Variants in HAL observed in about 807,000 individuals in gnomAD.
HAL encodes histidase.
HAL carries 85 observed loss-of-function variants against 81.1 expected under a neutral mutation model. The ratio of observed to expected loss-of-function variants is 1.05; its 90% CI spans 0.88 to 1.25. The LOEUF (loss-of-function observed/expected upper bound fraction) is 1.25, where lower values mean the gene tolerates loss of function less well. HAL is among the 50% of genes most tolerant of loss of function. HAL has a pLI of 0.00. For synonymous variants in HAL, 301 were observed against 309.2 expected (o/e 0.97, Z 0.28); for missense variants, 798 against 836.6 (o/e 0.95, Z 0.57).
At chr12:95,990,283 G>A in intron 10 of HAL, 110 bp downstream of exon 10, 2 of 875,302 alleles carry the variant, frequency 2.3e-6, no homozygotes, top group South Asian at 2.7e-5. Context: ...AAGGATAGTA[G>A]GAGCTCCCTC....
At chr12:95,983,751 G>A in intron 15 of HAL, 160 bp downstream of exon 15, 2 of 660,446 alleles carry the variant, frequency 3.0e-6, no homozygotes, top group East Asian at 5.4e-5. Context: ...GCTCTGACCT[G>A]GAGAAAGTCA....
intron 11 of HAL, among the ~76,000 whole-genome samples, chr12:95,987,952 C>T (rs1336681363): frequency 2.6e-5 from 4 of 151,952 alleles, no homozygotes; most frequent in African/African-American, 9.7e-5. Context: ...GTCTCAAACT[C>T]CTGAGCTCAG....
intron 20 of HAL, chr12:95,976,112 A>C (rs1054583197): frequency 4.1e-5 from 16 of 391,094 alleles, no homozygotes; most frequent in African/African-American, 2.5e-4. Flanking sequence ...TGAATCAAAG[A>C]GGACATCTTG....
chr12:95,976,646 G>A lies in HAL; in HGVS notation c.1715C>T (p.Thr572Ile), dbSNP rs377025106. The A allele has an allele frequency of 2.4e-5, 38 of 1,613,296 alleles. No homozygotes were observed. The highest frequency in any genetic ancestry group is 3.0e-5 in the Non-Finnish European group (35 of 1,179,292). Residue 572 changes from threonine to isoleucine, a missense_variant, in exon 19 of 21, where the codon ACA becomes ATA. Transcript: ENST00000261208. ...ATAGACCTTCTCCAGCGGAGTGGTT[G>A]TTTTCAGGGGACGTAGAAACTCTAT... ...QGIEFLRPLK[T>I]TTPLEKVYDL...
chr12:95,995,014 C>G, intron 2 of HAL, 21 bp from the exon 3 acceptor site: 1 of 1,569,040 alleles, frequency 6.4e-7, no homozygotes, highest in Non-Finnish European at 8.8e-7. Flanking sequence ...GCACGGGAGA[C>G]TCGTTACAGA....
chr12:95,985,266 A>T (rs1481521348), intron 14 of HAL, among the ~76,000 whole-genome samples: 1 of 152,186 alleles, frequency 6.6e-6, no homozygotes, highest in African/African-American at 2.4e-5. Context: ...TTTATTACTA[A>T]GAATTTTTAA....
At chr12:95,983,685 G>C in intron 15 of HAL, 1 of 586,902 alleles carries the variant, frequency 1.7e-6, no homozygotes, top group South Asian at 2.0e-5. Flanking sequence ...TGAAAGTACA[G>C]CATGTTAGAC....
In HAL at chr12:95,995,834, C is replaced by T. The variant is rs780094875; in HGVS notation, c.77G>A (p.Trp26Ter). ...GCGCCTCACGGCCTCCCGGCCCAGC[C>T]AGCCCACAGTGAGCTGCGCGTCCTG... The part of the protein sequence containing the change: ...PCQDAQLTVG[W>*]LGREAVRRYI... The change falls in exon 2 of 21, where the codon TGG becomes TAG. Residue 26 changes from tryptophan (W) to a stop codon, truncating the protein, a stop_gained. Transcript: ENST00000261208. LOFTEE classifies it high-confidence loss of function. 2.5e-6 allele frequency: 4 copies of T among 1,611,720 alleles called. No individual in the cohort carries two copies. The highest frequency in any genetic ancestry group is 2.5e-6 in the Non-Finnish European group (3 of 1,180,018).
chr12:95,992,868 G>GCCTT (rs1555240414), intron 8 of HAL, 63 bp from the exon 9 acceptor site: 2 of 1,321,970 alleles, frequency 1.5e-6, no homozygotes, highest in Non-Finnish European at 2.1e-6. Flanking sequence ...CCTGACAATT[G>GCCTT]CCCTCCCTCC....
rs770403675 is a variant in HAL, at chr12:95,990,507, CT to C, written c.740del (p.Glu247GlyfsTer21). On this transcript the variant is annotated frameshift_variant, in exon 10 of 21. Coordinates refer to ENST00000261208, the MANE Select transcript of HAL (RefSeq NM_002108.4). LOFTEE classifies it high-confidence loss of function. Reference sequence around the variant, plus strand: ...CTCCACTGGCACCAACGGTTCCTTTCTCTGGGACATAGGGCAGGCAGGAGGC... The same window carrying C: ...CTCCACTGGCACCAACGGTTCCTTTCCTGGGACATAGGGCAGGCAGGAGGC... ...FNASCLPYVP[E>X]KGTVGASGDL... 1 of 1,613,686 alleles carries C rather than the reference CT, an allele frequency of 6.2e-7. No homozygotes were observed. The highest frequency in any genetic ancestry group is 8.5e-7 in the Non-Finnish European group (1 of 1,179,576).
chr12:95,994,176 A>T lies in HAL; in HGVS notation c.337-12T>A. The stretch of plus-strand genomic sequence containing the variant: ...TCTAACTCGATGTACTACACAAAAG[A>T]AGGGGATCTCAGTGAGTCTGAACAG... On this transcript the variant is annotated splice_polypyrimidine_tract_variant and intron_variant, in intron 4 of 20. Transcript: ENST00000261208. The T allele has an allele frequency of 1.3e-6, 2 of 1,596,444 alleles. No individual in the cohort carries two copies. Among genetic ancestry groups the T allele is most frequent in the Non-Finnish European group, 1.7e-6 (2 of 1,163,844 alleles).
rs1668693273 is a variant in HAL at position 95,990,395 on chromosome 12, A to T, written c.853T>A (p.Tyr285Asn). ...SPKSGWADAKYVLEAHGLKPV... is the reference protein window; with the variant it reads ...SPKSGWADAKNVLEAHGLKPV... ...ATAGAAGCTGCTACGAGTCTTACGT[A>T]TTTAGCATCAGCCCAGCCACTCTTC... Residue 285 changes from tyrosine (Y) to asparagine (N), a missense_variant and splice_region_variant, in exon 10 of 21, where the codon TAC (tyrosine) becomes AAC (asparagine). Tyr to Asn is a moderately radical substitution (Grantham distance 143). Transcript: ENST00000261208. 1.2e-6 allele frequency: 2 copies of T among 1,612,860 alleles called. No individual in the cohort carries two copies. Among genetic ancestry groups the T allele is most frequent in the African/African-American group, 2.7e-5 (2 of 74,918 alleles).
At chr12:95,993,587 G>A (rs1949997362) in intron 7 of HAL, 99 bp from the exon 8 acceptor site, 1 of 951,082 alleles carries the variant, frequency 1.1e-6, no homozygotes, top group Non-Finnish European at 1.7e-6. Context: ...TCCTTGGAGG[G>A]ACAGAAGGAA....
At position 95,976,693 on chromosome 12, in the gene HAL, C is replaced by T; in HGVS notation, c.1668G>A (p.Glu556=). 6.2e-7 allele frequency: 1 copy of T among 1,606,184 alleles called. No homozygotes were observed. The highest frequency in any genetic ancestry group is 8.5e-7 in the Non-Finnish European group (1 of 1,172,794). The change falls in exon 19 of 21, where the codon GAG becomes GAA. Residue 556 remains glutamate (E), a synonymous_variant. Coordinates refer to ENST00000261208, the MANE Select transcript of HAL (RefSeq NM_002108.4). ...CTATGCCCTGGCAGGCTGCAAGGAGCTCGATGGCCAGCACTGAAACAAGAA... is the reference window on the plus strand; with the variant it reads ...CTATGCCCTGGCAGGCTGCAAGGAGTTCGATGGCCAGCACTGAAACAAGAA... The part of the protein sequence containing the change: ...IEHVEQVLAI[E]LLAACQGIEF...
At chr12:95,985,644 AAAAG>A (rs1182087614) in intron 14 of HAL, among the ~76,000 whole-genome samples, 12 of 151,402 alleles carry the variant, frequency 7.9e-5, no homozygotes, top group African/African-American at 1.9e-4. Context: ...AAAAAAAAAA[AAAAG>A]AGGTTGTCCT....
chr12:95,972,881 A>G lies in HAL; in HGVS notation c.*1351T>C, dbSNP rs1420930906. 1.3e-5 allele frequency: 2 copies of G among 152,236 alleles called. No individual in the cohort carries two copies. The highest frequency in any genetic ancestry group is 2.9e-5 in the Non-Finnish European group (2 of 68,050). 9.4% of individuals were successfully genotyped at this position (152,236 alleles called of 1,614,324 possible). A position where few individuals can be genotyped will look rare whatever the true frequency, so the allele number is the denominator to read the frequency against. Reference sequence around the variant, plus strand: ...GCTCAATGGCAGCCCACGGATGACAATGCACAAACCTCATTTGTGTGTGTT... The same window carrying G: ...GCTCAATGGCAGCCCACGGATGACAGTGCACAAACCTCATTTGTGTGTGTT... On this transcript the variant is annotated 3_prime_UTR_variant, in exon 21 of 21. Transcript: ENST00000261208.
At chr12:95,994,478 C>T (rs1950008775) in intron 4 of HAL, among the ~76,000 whole-genome samples, 1 of 152,158 alleles carries the variant, frequency 6.6e-6, no homozygotes, top group Non-Finnish European at 1.5e-5. Flanking sequence ...CAACCTCTGC[C>T]TCCTGGGTTC....
Position 95,996,063 on chromosome 12 carries a change from T to C in HAL, c.-82+15A>G, listed in dbSNP as rs1950032731. ...TTTACTCATTCATGCATTGGACAAA[T>C]ATTTATTGAGGTACCTGCTGTCCCT... is the stretch of plus-strand genomic sequence containing the variant. On this transcript the variant is annotated intron_variant, in intron 1 of 20. Transcript: ENST00000261208. 1.3e-6 allele frequency: 1 copy of C among 774,306 alleles called. No homozygotes were observed. Among genetic ancestry groups the C allele is most frequent in the African/African-American group, 1.7e-5 (1 of 58,582 alleles). The allele number at this position is 774,306 out of a possible 1,614,324, so 48.0% of individuals were successfully genotyped here.
At chr12:95,977,902 G>A (rs961694397) in intron 18 of HAL, 42 bp downstream of exon 18, 2 of 1,609,000 alleles carry the variant, frequency 1.2e-6, no homozygotes, top group East Asian at 2.2e-5. Context: ...GGGCACAGTG[G>A]TCTATCAGGC....
Sources: allele counts gnomAD v4.1 joint callset (sites outside exome capture counted in the v4.1 genomes callset), GRCh38; gene constraint gnomAD v4.1.1; transcripts MANE v1.5; gene names NCBI Gene and HGNC (gene_info 2026-07-23, HGNC 2026-07-21).